The following RANBP17 variants were observed in gnomAD, a reference collection of about 807,000 sequenced individuals.
The protein encoded by RANBP17 is ran-binding protein 17.
A neutral mutation model predicts 141.2 loss-of-function variants in RANBP17; 158 were observed. The ratio of observed to expected loss-of-function variants is 1.12; its 90% CI spans 0.98 to 1.28. The LOEUF (loss-of-function observed/expected upper bound fraction) is 1.28. RANBP17 is among the 50% of genes most tolerant of loss of function. The pLI, the probability that RANBP17 is intolerant of heterozygous loss-of-function variation, is 0.00. For missense variants in RANBP17, 1,438 were observed against 1,290.7 expected (o/e 1.11, Z -1.75); for synonymous variants, 430 against 450.0 (o/e 0.96, Z 0.56).
chr5:171,148,307 G>A (rs897924449), intron 14 of RANBP17, among the ~76,000 whole-genome samples: 35 of 152,192 alleles, frequency 2.3e-4, no homozygotes, highest in Non-Finnish European at 3.7e-4. Context: ...TCACTTGTTT[G>A]TCTGCTGACC....
rs370895004 is a variant in RANBP17 at position 170,939,542 on chromosome 5, G to A, written c.1469-14055G>A. ...TGGGACTACAGTCATGCACCATGCC[G>A]GGCTAAATTTTTTGTATTGTTTTAG... is the stretch of plus-strand genomic sequence containing the variant. On this transcript the variant is annotated intron_variant, in intron 12 of 27. Coordinates refer to ENST00000523189, the MANE Select transcript of RANBP17 (RefSeq NM_022897.5). Among the ~76,000 whole-genome samples the A allele has an allele frequency of 1.2e-4, 18 of 151,854 alleles. 1 individual carries two copies. In the South Asian group the frequency reaches 3.3e-3, roughly 28 times the overall value.
intron 14 of RANBP17, among the ~76,000 whole-genome samples, chr5:171,096,226 T>A (rs1191730071): frequency 6.6e-6 from 1 of 152,170 alleles, no homozygotes; most frequent in Non-Finnish European, 1.5e-5. Context: ...GAAACACATA[T>A]AAAAATAATG....
At chr5:171,135,360 T>G (rs912237642) in intron 14 of RANBP17, among the ~76,000 whole-genome samples, 2 of 151,660 alleles carry the variant, frequency 1.3e-5, no homozygotes, top group Non-Finnish European at 2.9e-5. Flanking sequence ...AAAGCAAAAA[T>G]TGGATAATGC....
chr5:170,965,980 T>G (rs1266662722), intron 13 of RANBP17, among the ~76,000 whole-genome samples: 2 of 152,152 alleles, frequency 1.3e-5, no homozygotes, highest in African/African-American at 4.8e-5. Context: ...ATCTATAAAT[T>G]ACCTTGGGCA....
chr5:170,862,279 TTGGAGGCGGCGGG>T (rs921504758), intron 1 of RANBP17, among the ~76,000 whole-genome samples: 6 of 151,900 alleles, frequency 3.9e-5, no homozygotes, highest in Admixed American at 2.0e-4. Flanking sequence ...CGAGCCTGGG[TTGGAGGCGGCGGG>T]TGGAGGGGGC....
intron 14 of RANBP17, among the ~76,000 whole-genome samples, chr5:171,134,708 C>T (rs933424070): frequency 2.0e-5 from 3 of 152,068 alleles, no homozygotes; most frequent in Non-Finnish European, 4.4e-5. Context: ...TTGCTTTGAG[C>T]TCAGGAGTTC....
At position 171,096,155 on chromosome 5, in the gene RANBP17, T is replaced by C. The variant is rs533382606; in HGVS notation, c.1711-73975T>C. ...TTGATGTAACTTTTATTGACAAATA[T>C]CTGCATATAAGTGGACCCGCACAGT... On this transcript the variant is annotated intron_variant, in intron 14 of 27. Transcript: ENST00000523189. Among the ~76,000 whole-genome samples, 7 of 152,246 alleles carry C rather than the reference T, an allele frequency of 4.6e-5. No individual in the cohort carries two copies. In the South Asian group the frequency reaches 1.0e-3, roughly 23 times the overall value.
intron 14 of RANBP17, among the ~76,000 whole-genome samples, chr5:171,116,063 A>G (rs1755606570): frequency 6.6e-6 from 1 of 152,182 alleles, no homozygotes; most frequent in Non-Finnish European, 1.5e-5. Context: ...AATAATGATG[A>G]GTTTTACTAA....
chr5:171,215,211 A>G (rs1376118694), intron 21 of RANBP17, among the ~76,000 whole-genome samples: 1 of 152,074 alleles, frequency 6.6e-6, no homozygotes, highest in African/African-American at 2.4e-5. Flanking sequence ...AGCTTCATCC[A>G]TGTCCCTGCA....
chr5:170,924,400 C>CA lies in RANBP17; in HGVS notation c.1319dup (p.Gln441AlafsTer12). 1 of 1,607,150 alleles carries CA rather than the reference C, an allele frequency of 6.2e-7. No individual in the cohort carries two copies. Among genetic ancestry groups the CA allele is most frequent in the South Asian group, 1.1e-5 (1 of 90,574 alleles). The stretch of plus-strand genomic sequence containing the variant: ...ACTGGATGATACTGCCACTGTGTTT[C>CA]AGCAGTTGGAGCAGTTGTGCACGGT... On this transcript the variant is annotated frameshift_variant, in exon 12 of 28. Transcript: ENST00000523189. LOFTEE classifies it high-confidence loss of function.
Position 171,298,720 on chromosome 5 carries a change from T to C in RANBP17, c.3171-42T>C, listed in dbSNP as rs1439491865. ...ATCGTCCAGAAATTCATGGAGGCTT[T>C]GCCTCATTACTACCCTTGACCCTTT... On this transcript the variant is annotated intron_variant, in intron 27 of 27. Coordinates refer to ENST00000523189, the MANE Select transcript of RANBP17 (RefSeq NM_022897.5). The C allele has an allele frequency of 2.7e-6, 4 of 1,484,164 alleles. No homozygotes were observed. The Middle Eastern group carries it at 5.2e-4, about 191-fold the overall frequency. The allele number at this position is 1,484,164 out of a possible 1,614,324, so 91.9% of individuals were successfully genotyped here. A position where few individuals can be genotyped will look rare whatever the true frequency, so the allele number is the denominator to read the frequency against.
Position 171,021,462 on chromosome 5 carries a change from GTTCA to G in RANBP17, c.1710+53089_1710+53092del, listed in dbSNP as rs575026198. ...TAGTCCCATATTTCTTGGAGGCTTT[GTTCA>G]TTCCTTTTCATTCTTTTTTCTCTAC... is the stretch of plus-strand genomic sequence containing the variant. On this transcript the variant is annotated intron_variant, in intron 14 of 27. Transcript: ENST00000523189. 2.5e-3 allele frequency among the ~76,000 whole-genome samples: 384 copies of G among 152,246 alleles called. 2 individuals carry two copies. Among genetic ancestry groups the G allele is most frequent in the African/African-American group, 8.6e-3 (357 of 41,534 alleles).
intron 24 of RANBP17, chr5:171,252,192 A>T: frequency 6.3e-7 from 1 of 1,581,110 alleles, no homozygotes; most frequent in Non-Finnish European, 8.7e-7. Flanking sequence ...TCCCCCATGA[A>T]TTCTTAAATT....
At chr5:171,108,605 G>GA (rs1755010318) in intron 14 of RANBP17, among the ~76,000 whole-genome samples, 1 of 151,888 alleles carries the variant, frequency 6.6e-6, no homozygotes, top group South Asian at 2.1e-4. Context: ...TAAAGATGGA[G>GA]ACTCCGTATG....
At chr5:171,132,247 C>A (rs1484968889) in intron 14 of RANBP17, among the ~76,000 whole-genome samples, 1 of 151,738 alleles carries the variant, frequency 6.6e-6, no homozygotes, top group Non-Finnish European at 1.5e-5. Context: ...TACCCCCCAC[C>A]CAAGGGAAGG....
At chr5:171,271,290 T>C in intron 25 of RANBP17, 1 of 213,464 alleles carries the variant, frequency 4.7e-6, no homozygotes, top group Non-Finnish European at 9.5e-6. Context: ...CAAAGTGAAT[T>C]ACAGCAAAAG....
intron 14 of RANBP17, among the ~76,000 whole-genome samples, chr5:171,155,122 TACACAC>T (rs375832271): frequency 7.4e-6 from 1 of 134,976 alleles, no homozygotes; most frequent in African/African-American, 2.8e-5. Context: ...TATATATATG[TACACAC>T]ACACACACAC....
At chr5:171,076,221 C>CTTA (rs370944392) in intron 14 of RANBP17, among the ~76,000 whole-genome samples, 32 of 152,210 alleles carry the variant, frequency 2.1e-4, no homozygotes, top group African/African-American at 6.7e-4. Context: ...AAAAAGCTGA[C>CTTA]TTATTCTAAG....
At chr5:171,255,953 A>G (rs1341018683) in intron 24 of RANBP17, among the ~76,000 whole-genome samples, 1 of 152,192 alleles carries the variant, frequency 6.6e-6, no homozygotes, top group Non-Finnish European at 1.5e-5. Context: ...CTGTCTTGGA[A>G]ATTTTACCTT....
Sources: allele counts gnomAD v4.1 joint callset (sites outside exome capture counted in the v4.1 genomes callset), GRCh38; gene constraint gnomAD v4.1.1; transcripts MANE v1.5; gene names NCBI Gene and HGNC (gene_info 2026-07-23, HGNC 2026-07-21).